The following MCM9 variants were observed in gnomAD, a reference collection of about 807,000 sequenced individuals.
MCM9 encodes DNA helicase MCM9.
In MCM9, 55 loss-of-function variants were observed where a neutral mutation model predicts 72.8. That is an observed-to-expected ratio of 0.76 (90% confidence interval 0.61 to 0.95). The LOEUF is 0.95. Ranked by LOEUF, MCM9 falls within the 40% of genes least tolerant of loss-of-function variation. The probability of loss-of-function intolerance (pLI) is 0.00; values close to 1 mark genes in which losing one functional copy is unlikely to be tolerated. For missense variants in MCM9, 1,279 were observed against 1,377.0 expected (o/e 0.93, Z 1.13); for synonymous variants, 480 against 503.4 (o/e 0.95, Z 0.62).
chr6:118,934,183 C>G (rs951352752), intron 1 of MCM9, among the ~76,000 whole-genome samples: 1 of 152,286 alleles, frequency 6.6e-6, no homozygotes, highest in Non-Finnish European at 1.5e-5. Flanking sequence ...TATGGACCAT[C>G]GTTATTCATT....
At chr6:118,930,147 GT>G (rs1260876148) in intron 3 of MCM9, among the ~76,000 whole-genome samples, 1 of 151,938 alleles carries the variant, frequency 6.6e-6, no homozygotes, top group Non-Finnish European at 1.5e-5. Context: ...GTCTCGCTCT[GT>G]TGCCCAGGCT....
intron 8 of MCM9, among the ~76,000 whole-genome samples, chr6:118,877,276 G>C (rs1408372446): frequency 1.3e-5 from 2 of 152,212 alleles, no homozygotes; most frequent in Non-Finnish European, 2.9e-5. Flanking sequence ...CCAAATTGCA[G>C]ATCTGTAAAC....
At chr6:118,905,785 C>A in intron 8 of MCM9, 2 of 1,611,536 alleles carry the variant, frequency 1.2e-6, no homozygotes, top group Non-Finnish European at 1.7e-6. Context: ...TATACTGAGA[C>A]AGAATTAAGG....
At chr6:118,915,574 C>CT (rs1780876749) in intron 6 of MCM9, among the ~76,000 whole-genome samples, 1 of 152,162 alleles carries the variant, frequency 6.6e-6, no homozygotes, top group Admixed American at 6.5e-5. Flanking sequence ...AGGTCTTAAG[C>CT]AAGTCAACCT....
intron 8 of MCM9, among the ~76,000 whole-genome samples, chr6:118,886,824 G>GCACA (rs377151420): frequency 6.6e-6 from 1 of 151,228 alleles, no homozygotes; most frequent in East Asian, 1.9e-4. Flanking sequence ...GGATGTGGTG[G>GCACA]CACACACACA....
At chr6:118,833,746 C>T (rs548592528) in intron 9 of MCM9, among the ~76,000 whole-genome samples, 9 of 152,010 alleles carry the variant, frequency 5.9e-5, no homozygotes, top group East Asian at 1.9e-4. Flanking sequence ...TCCATAGAAA[C>T]GGAAAGTAGA....
intron 4 of MCM9, among the ~76,000 whole-genome samples, chr6:118,923,309 G>C (rs1311876655): frequency 6.6e-6 from 1 of 150,584 alleles, no homozygotes; most frequent in African/African-American, 2.4e-5. Flanking sequence ...TCAGAGACAG[G>C]GTCTCGCTCT....
intron 6 of MCM9, 73 bp downstream of exon 6, chr6:118,917,488 A>G: frequency 7.0e-7 from 1 of 1,430,586 alleles, no homozygotes; most frequent in Middle Eastern, 2.0e-4. Context: ...AGACTGTCAA[A>G]TCACAGACAT....
Position 118,826,199 on chromosome 6 carries a change from C to G in MCM9, c.1909G>C (p.Glu637Gln). Residue 637 changes from glutamate to glutamine, a missense_variant, in exon 13 of 14, where the codon GAA becomes CAA. Transcript: ENST00000619706. ...AAGAGGCTCTGCAGCTCTAGCTTTT[C>G]CAGAATAAGTTCACACTGTCTCTGG... ...QYQRQCELIL[E>Q]KLELQSLLSE... 6.4e-7 allele frequency: 1 copy of G among 1,550,456 alleles called. No homozygotes were observed. The highest frequency in any genetic ancestry group is 2.4e-5 in the East Asian group (1 of 40,924).
chr6:118,932,047 A>G (rs1333312187), intron 2 of MCM9, among the ~76,000 whole-genome samples: 1 of 152,248 alleles, frequency 6.6e-6, no homozygotes, highest in African/African-American at 2.4e-5. Flanking sequence ...ATTAATATAC[A>G]GGCATGCACC....
At chr6:118,928,365 T>C (rs1271527466) in intron 3 of MCM9, among the ~76,000 whole-genome samples, 2 of 151,812 alleles carry the variant, frequency 1.3e-5, no homozygotes, top group Non-Finnish European at 2.9e-5. Context: ...GAACCGAGAT[T>C]GCACCTGTGC....
chr6:118,861,841 T>C (rs1296864280), intron 8 of MCM9, among the ~76,000 whole-genome samples: 2 of 152,114 alleles, frequency 1.3e-5, no homozygotes, highest in African/African-American at 4.8e-5. Context: ...GGCTTGAAGG[T>C]GGGGCTTCAC....
intron 9 of MCM9, among the ~76,000 whole-genome samples, chr6:118,836,833 T>C (rs549119482): frequency 1.1e-4 from 17 of 152,318 alleles, no homozygotes; most frequent in African/African-American, 3.6e-4. Flanking sequence ...TTCGTGTCTC[T>C]ACCTCCTTCA....
chr6:118,819,124 C>T (rs760103521), intron 13 of MCM9, among the ~76,000 whole-genome samples: 54 of 152,204 alleles, frequency 3.5e-4, no homozygotes, highest in African/African-American at 1.1e-3. Context: ...TTTCTCTTGC[C>T]TGATTGCTCT....
rs1773348305 is a variant in MCM9, at chr6:118,815,431, GA to G, written c.2824del (p.Ser942HisfsTer7). The G allele has an allele frequency of 1.3e-6, 2 of 1,550,506 alleles. No individual in the cohort carries two copies. Among genetic ancestry groups the G allele is most frequent in the African/African-American group, 2.7e-5 (2 of 73,140 alleles). ...AACTGCTATTTTAGTTGCACCAGGT[GA>G]CACATGGCTGTGATCTTCAAAGGAG... ...IHSFEDHSHVSPGATKIAVHS... is the reference protein window; with the variant it reads ...IHSFEDHSHVXPGATKIAVHS... On this transcript the variant is annotated frameshift_variant, in exon 14 of 14. Coordinates refer to ENST00000619706, the MANE Select transcript of MCM9 (RefSeq NM_017696.3). LOFTEE classifies it low-confidence loss of function (END_TRUNC).
Position 118,815,656 on chromosome 6 carries a change from G to T in MCM9, c.2600C>A (p.Pro867His). Residue 867 changes from proline (P) to histidine (H), a missense_variant, in exon 14 of 14, where the codon CCT becomes CAT. Transcript: ENST00000619706. Reference sequence around the variant, plus strand: ...ATGGGAAGGGACTGTGCACTGTGCAGGCACCCTGGTGCTATTTCTGCACAA... The same window carrying T: ...ATGGGAAGGGACTGTGCACTGTGCATGCACCCTGGTGCTATTTCTGCACAA... ...QKLCRNSTRV[P>H]AQCTVPSHPQ... 6.5e-7 allele frequency: 1 copy of T among 1,550,136 alleles called. No individual in the cohort carries two copies. The highest frequency in any genetic ancestry group is 8.7e-7 in the Non-Finnish European group (1 of 1,146,878).
chr6:118,858,318 G>C (rs1776693045), intron 8 of MCM9, among the ~76,000 whole-genome samples: 1 of 152,118 alleles, frequency 6.6e-6, no homozygotes, highest in Non-Finnish European at 1.5e-5. Context: ...ACAATCATTT[G>C]TGATAAAACT....
At chr6:118,844,615 C>T (rs1265985879) in intron 9 of MCM9, among the ~76,000 whole-genome samples, 1 of 151,726 alleles carries the variant, frequency 6.6e-6, no homozygotes, top group Non-Finnish European at 1.5e-5. Context: ...CAGCTATGAT[C>T]TTGGCAGAAA....
intron 9 of MCM9, among the ~76,000 whole-genome samples, chr6:118,845,158 T>C (rs2114638672): frequency 6.6e-6 from 1 of 151,856 alleles, no homozygotes; most frequent in African/African-American, 2.4e-5. Flanking sequence ...TAAGAACAGC[T>C]GAATAAGCCT....
Sources: gnomAD v4.1 joint callset for allele counts (sites outside exome capture counted in the v4.1 genomes callset) on GRCh38, gnomAD v4.1.1 for gene constraint, MANE v1.5 for transcripts, NCBI Gene and HGNC (gene_info 2026-07-23, HGNC 2026-07-21) for gene names.